The following B3GALT1 variants were observed in gnomAD, a reference collection of about 807,000 sequenced individuals.
The protein encoded by B3GALT1 is UDP-Gal:betaGlcNAc beta 1,3-galactosyltransferase, polypeptide 1.
B3GALT1 carries 10 observed loss-of-function variants against 23.2 expected under a neutral mutation model. The observed-to-expected ratio is 0.43, with a 90% CI of 0.27 to 0.73. B3GALT1 has a LOEUF of 0.73. B3GALT1 is among the 30% of genes least tolerant of loss of function. The probability of loss-of-function intolerance (pLI) is 0.21; values close to 1 mark genes in which losing one functional copy is unlikely to be tolerated. For synonymous variants in B3GALT1, 156 were observed against 141.5 expected (o/e 1.10, Z -0.73); for missense variants, 299 against 405.4 (o/e 0.74, Z 2.25).
intron 2 of B3GALT1, among the ~76,000 whole-genome samples, chr2:167,548,448 T>C (rs1683679244): frequency 6.6e-6 from 1 of 152,186 alleles, no homozygotes; most frequent in South Asian, 2.1e-4. Flanking sequence ...TAGTAAAAAG[T>C]TAATGGAAAT....
At chr2:167,776,378 C>T (rs1208461079) in intron 3 of B3GALT1, among the ~76,000 whole-genome samples, 3 of 152,134 alleles carry the variant, frequency 2.0e-5, no homozygotes, top group South Asian at 4.1e-4. Flanking sequence ...CTACCCACTC[C>T]GAGTTCTGCC....
chr2:167,440,378 A>T (rs1334069602), intron 1 of B3GALT1, among the ~76,000 whole-genome samples: 3 of 151,696 alleles, frequency 2.0e-5, no homozygotes, highest in Admixed American at 6.6e-5. Flanking sequence ...ATAATTTAAA[A>T]TGTTCATAAA....
intron 2 of B3GALT1, among the ~76,000 whole-genome samples, chr2:167,494,028 C>G (rs974355841): frequency 2.0e-5 from 3 of 151,984 alleles, no homozygotes; most frequent in Non-Finnish European, 4.4e-5. Flanking sequence ...ATAGGGAGAT[C>G]TGGGCTAAAT....
intron 1 of B3GALT1, among the ~76,000 whole-genome samples, chr2:167,420,656 G>A (rs140997231): frequency 1.1e-3 from 163 of 152,252 alleles, no homozygotes; most frequent in African/African-American, 2.7e-3. Flanking sequence ...TAGCATGGCC[G>A]TGGTAAGCCA....
At chr2:167,669,103 A>G (rs73017410) in intron 3 of B3GALT1, among the ~76,000 whole-genome samples, 14,281 of 152,076 alleles carry the variant, frequency 0.094, 1,617 homozygotes, top group African/African-American at 0.25. Context: ...AGCTTCTAAT[A>G]TATTAATTCC....
chr2:167,543,192 T>C (rs1683563727), intron 2 of B3GALT1, among the ~76,000 whole-genome samples: 1 of 152,158 alleles, frequency 6.6e-6, no homozygotes, highest in Non-Finnish European at 1.5e-5. Flanking sequence ...AGAGATGACT[T>C]TTTTTGAAAT....
chr2:167,742,588 G>C (rs1687592140), intron 3 of B3GALT1, among the ~76,000 whole-genome samples: 1 of 152,096 alleles, frequency 6.6e-6, no homozygotes, highest in Non-Finnish European at 1.5e-5. Flanking sequence ...GCAGAAAGAT[G>C]ACTACGTAGC....
chr2:167,792,527 A>G (rs545514808), intron 3 of B3GALT1, among the ~76,000 whole-genome samples: 4 of 152,308 alleles, frequency 2.6e-5, no homozygotes, highest in African/African-American at 9.6e-5. Flanking sequence ...CTTTCTTTTT[A>G]ATTAGGTCTT....
chr2:167,323,181 C>T (rs1450530517), intron 1 of B3GALT1, among the ~76,000 whole-genome samples: 2 of 152,062 alleles, frequency 1.3e-5, no homozygotes, highest in Non-Finnish European at 2.9e-5. Context: ...CAGGTAGTCT[C>T]ACTGTTTAAT....
intron 3 of B3GALT1, among the ~76,000 whole-genome samples, chr2:167,667,697 C>T (rs908498511): frequency 6.6e-6 from 1 of 152,150 alleles, no homozygotes; most frequent in Non-Finnish European, 1.5e-5. Context: ...TCATTTCATT[C>T]ATTTCATCTT....
chr2:167,775,591 A>T (rs2105313813), intron 3 of B3GALT1, among the ~76,000 whole-genome samples: 1 of 151,594 alleles, frequency 6.6e-6, no homozygotes, highest in East Asian at 1.9e-4. Flanking sequence ...AACAAAACAC[A>T]CACACACATA....
intron 1 of B3GALT1, among the ~76,000 whole-genome samples, chr2:167,473,251 TTAGAA>T (rs1699443192): frequency 6.6e-6 from 1 of 152,104 alleles, no homozygotes; most frequent in Admixed American, 6.6e-5. Flanking sequence ...AATAGAAGCA[TTAGAA>T]TCAACCTGGG....
rs148333671 is a variant in B3GALT1, at chr2:167,764,413, T to C, written c.-351-54259T>C. ...TCTGCACAGCTGGGGAAAAGTTGCA[T>C]ATTCAGTGTAGGTATGCAGATGCTT... is the stretch of plus-strand genomic sequence containing the variant. On this transcript the variant is annotated intron_variant, in intron 3 of 4. Coordinates refer to ENST00000392690, the MANE Select transcript of B3GALT1 (RefSeq NM_020981.4). 1.1e-3 allele frequency among the ~76,000 whole-genome samples: 161 copies of C among 152,352 alleles called. 2 individuals are homozygous for C. Among genetic ancestry groups the C allele is most frequent in the African/African-American group, 3.8e-3 (156 of 41,576 alleles).
chr2:167,716,193 CGGCTGCGGA>C (rs1687144084), intron 3 of B3GALT1: 1 of 1,054,780 alleles, frequency 9.5e-7, no homozygotes, highest in African/African-American at 1.6e-5. Context: ...ACTGCGGAGC[CGGCTGCGGA>C]GGGAGCTGGG....
At chr2:167,369,944 C>A (rs1018043707) in intron 1 of B3GALT1, among the ~76,000 whole-genome samples, 3 of 152,008 alleles carry the variant, frequency 2.0e-5, no homozygotes, top group Non-Finnish European at 4.4e-5. Flanking sequence ...TGTTCCAGGT[C>A]AATTAAATAT....
At chr2:167,695,314 T>TC (rs1301870651) in intron 3 of B3GALT1, among the ~76,000 whole-genome samples, 1 of 152,120 alleles carries the variant, frequency 6.6e-6, no homozygotes, top group Admixed American at 6.6e-5. Context: ...TACTAATCAT[T>TC]CCCCAAGTGA....
At position 167,869,458 on chromosome 2, in the gene B3GALT1, T is replaced by C; in HGVS notation, c.419T>C (p.Ile140Thr). 1.2e-6 allele frequency: 2 copies of C among 1,613,832 alleles called. No individual in the cohort carries two copies. Among genetic ancestry groups the C allele is most frequent in the Non-Finnish European group, 1.7e-6 (2 of 1,179,800 alleles). Residue 140 changes from isoleucine to threonine, a missense_variant, in exon 5 of 5, where the codon ATC (isoleucine) becomes ACC (threonine). Transcript: ENST00000392690. The surrounding 1 kb of genome is among the most constrained non-coding windows in gnomAD (Gnocchi z 6.4). ...CAAGAGAGCCAAATCTTCCATGATA[T>C]CATCGTGGAGGACTTTATTGACTCC... is the stretch of plus-strand genomic sequence containing the variant. ...VEQESQIFHD[I>T]IVEDFIDSYH...
chr2:167,666,013 T>G (rs1686174865), intron 3 of B3GALT1, among the ~76,000 whole-genome samples: 2 of 152,214 alleles, frequency 1.3e-5, no homozygotes, highest in Non-Finnish European at 2.9e-5. Flanking sequence ...AGCTTTTGAA[T>G]GTGTTTGCTC....
intron 1 of B3GALT1, among the ~76,000 whole-genome samples, chr2:167,481,164 C>T (rs999944415): frequency 2.0e-5 from 3 of 152,142 alleles, no homozygotes; most frequent in African/African-American, 7.2e-5. Context: ...TCTTTGTTCT[C>T]TCTGAATCAA....
Sources: allele counts gnomAD v4.1 joint callset (sites outside exome capture counted in the v4.1 genomes callset), GRCh38; gene constraint gnomAD v4.1.1; non-coding constraint Gnocchi (gnomAD v3.1); transcripts MANE v1.5; gene names NCBI Gene and HGNC (gene_info 2026-07-23, HGNC 2026-07-21).